The following FAT3 variants were observed in gnomAD, a reference collection of about 807,000 sequenced individuals.
FAT3 encodes FAT atypical cadherin 3, also known as protocadherin Fat 3.
FAT3 carries 95 observed loss-of-function variants against 310.2 expected under a neutral mutation model. The ratio of observed to expected loss-of-function variants is 0.31; its 90% confidence interval spans 0.26 to 0.36. FAT3 has a LOEUF of 0.36. FAT3 is among the 10% of genes least tolerant of loss of function. The pLI, the probability that FAT3 is intolerant of heterozygous loss-of-function variation, is 1.00. For synonymous variants in FAT3, 2,314 were observed against 2,192.9 expected, an observed-to-expected ratio of 1.06 and a Z score of -1.54; for missense variants, 5,408 against 5,715.6, an observed-to-expected ratio of 0.95 and a Z score of 1.74.
chr11:92,328,433 C>G (rs1947819851), intron 1 of FAT3, among the ~76,000 whole-genome samples: 1 of 152,164 alleles, frequency 6.6e-6, no homozygotes, highest in African/African-American at 2.4e-5. Flanking sequence ...TCATATTGAT[C>G]ATTGAGTTTT....
Position 92,866,661 on chromosome 11 carries a change from G to A in FAT3, c.11659-80G>A, listed in dbSNP as rs535889857. 1.2e-4 allele frequency: 159 copies of A among 1,308,282 alleles called. No individual in the cohort carries two copies. In the East Asian group the frequency reaches 3.1e-3, roughly 25 times the overall value. 81.0% of individuals were successfully genotyped at this position (1,308,282 alleles called of 1,614,324 possible). A position where few individuals can be genotyped will look rare whatever the true frequency, so the allele number is the denominator to read the frequency against. ...ATTCCAGCTTTCTTGTGAAGCCCCC[G>A]GGCCGGCCAGGAGCAGGGTGTAGGG... On this transcript the variant is annotated intron_variant, in intron 21 of 27. Transcript: ENST00000525166.
chr11:92,709,321 T>C (rs2135943755), intron 4 of FAT3, among the ~76,000 whole-genome samples: 1 of 152,366 alleles, frequency 6.6e-6, no homozygotes, highest in South Asian at 2.1e-4. Flanking sequence ...TGGATGTGAC[T>C]GTTTAGGAGA....
chr11:92,360,764 T>TA (rs1199116820), intron 2 of FAT3, among the ~76,000 whole-genome samples: 2 of 152,214 alleles, frequency 1.3e-5, no homozygotes, highest in Non-Finnish European at 2.9e-5. Flanking sequence ...AAGTACCTAT[T>TA]ATGTGCCAGG....
intron 4 of FAT3, among the ~76,000 whole-genome samples, chr11:92,751,006 G>C (rs1945813505): frequency 6.6e-6 from 1 of 152,154 alleles, no homozygotes; most frequent in Admixed American, 6.5e-5. Context: ...TGGCCTCCAG[G>C]TGCAGCTGGC....
At chr11:92,823,788 C>T (rs564474775) in intron 13 of FAT3, among the ~76,000 whole-genome samples, 1 of 152,250 alleles carries the variant, frequency 6.6e-6, no homozygotes, top group East Asian at 1.9e-4. Context: ...TTAGTCATCA[C>T]CCAATGAAGA....
intron 2 of FAT3, among the ~76,000 whole-genome samples, chr11:92,371,165 C>T (rs1194402943): frequency 6.6e-6 from 1 of 152,224 alleles, no homozygotes; most frequent in African/African-American, 2.4e-5. Context: ...CACTAACTCT[C>T]ATTGTGTGTT....
intron 4 of FAT3, among the ~76,000 whole-genome samples, chr11:92,714,836 TTGAA>T (rs903556159): frequency 1.3e-5 from 2 of 152,110 alleles, no homozygotes; most frequent in East Asian, 1.9e-4. Flanking sequence ...AACTATTTAG[TTGAA>T]TGAATGAATG....
chr11:92,702,319 G>A (rs564760868), intron 4 of FAT3, among the ~76,000 whole-genome samples: 13 of 152,268 alleles, frequency 8.5e-5, no homozygotes, highest in East Asian at 3.9e-4. Flanking sequence ...ATTAAGAGAC[G>A]TTATTTCACT....
At chr11:92,484,021 T>G (rs1952306190) in intron 2 of FAT3, among the ~76,000 whole-genome samples, 1 of 152,320 alleles carries the variant, frequency 6.6e-6, no homozygotes, top group South Asian at 2.1e-4. Flanking sequence ...TCAGTGTTAA[T>G]GATGATAAGA....
intron 3 of FAT3, among the ~76,000 whole-genome samples, chr11:92,588,330 T>C (rs1304695052): frequency 6.6e-6 from 1 of 151,992 alleles, no homozygotes; most frequent in African/African-American, 2.4e-5. Flanking sequence ...AGGGCAGAGA[T>C]GAATTTTTTT....
intron 1 of FAT3, among the ~76,000 whole-genome samples, chr11:92,265,381 G>A (rs559211626): frequency 1.3e-4 from 20 of 152,028 alleles, no homozygotes; most frequent in African/African-American, 4.1e-4. Context: ...CATGGTGTTG[G>A]GAGCTGCAGA....
At chr11:92,754,687 T>C (rs1305422287) in intron 4 of FAT3, among the ~76,000 whole-genome samples, 1 of 119,634 alleles carries the variant, frequency 8.4e-6, no homozygotes, top group Admixed American at 8.7e-5. Context: ...AAAACCCGTC[T>C]CTACTAAAAA....
intron 21 of FAT3, 132 bp downstream of exon 21, chr11:92,859,454 G>A: frequency 2.2e-6 from 2 of 914,622 alleles, no homozygotes; most frequent in Non-Finnish European, 3.1e-6. Flanking sequence ...GGGCAAAGGG[G>A]AGCAGCGGCA....
chr11:92,399,827 G>A (rs571944536), intron 2 of FAT3, among the ~76,000 whole-genome samples: 33 of 152,276 alleles, frequency 2.2e-4, no homozygotes, highest in Non-Finnish European at 3.7e-4. Flanking sequence ...AGACCCTTGT[G>A]TAAACCTTCT....
At chr11:92,744,106 C>T (rs1945583821) in intron 4 of FAT3, among the ~76,000 whole-genome samples, 1 of 152,190 alleles carries the variant, frequency 6.6e-6, no homozygotes, top group African/African-American at 2.4e-5. Context: ...TGTCCCTAGT[C>T]AATGACTGAT....
chr11:92,477,286 G>T (rs943179279), intron 2 of FAT3, among the ~76,000 whole-genome samples: 44 of 152,318 alleles, frequency 2.9e-4, no homozygotes, highest in Middle Eastern at 3.4e-3. Flanking sequence ...GGTGTGAAGT[G>T]TATTTTTGTC....
chr11:92,382,604 A>G (rs1248598836), intron 2 of FAT3, among the ~76,000 whole-genome samples: 1 of 152,126 alleles, frequency 6.6e-6, no homozygotes, highest in Non-Finnish European at 1.5e-5. Context: ...CACCATCTAG[A>G]TACCCATCAG....
chr11:92,859,425 A>G, intron 21 of FAT3, 103 bp downstream of exon 21: 1 of 1,232,754 alleles, frequency 8.1e-7, no homozygotes, highest in Non-Finnish European at 1.1e-6. Flanking sequence ...TAAGTTCAGA[A>G]GACCAGAAGC....
chr11:92,676,726 T>C (rs559872917), intron 3 of FAT3, among the ~76,000 whole-genome samples: 1 of 152,368 alleles, frequency 6.6e-6, no homozygotes, highest in African/African-American at 2.4e-5. Flanking sequence ...TATTGTGTAT[T>C]ATTTCTTATT....
Sources: gnomAD v4.1 joint callset for allele counts (sites outside exome capture counted in the v4.1 genomes callset) on GRCh38, gnomAD v4.1.1 for gene constraint, MANE v1.5 for transcripts, NCBI Gene and HGNC (gene_info 2026-07-23, HGNC 2026-07-21) for gene names.